The following MED14 variants were observed in gnomAD, a reference collection of about 807,000 sequenced individuals.
MED14 encodes mediator complex subunit 14, also known as mediator of RNA polymerase II transcription subunit 14.
Under a neutral mutation model 109.0 loss-of-function variants are expected in MED14, and 8 were observed. The observed-to-expected ratio is 0.07, with a 90% CI of 0.04 to 0.13. The LOEUF (loss-of-function observed/expected upper bound fraction) is 0.13. Among genes scored for constraint, MED14 ranks in the 10% least tolerant of loss-of-function variants. The probability of loss-of-function intolerance (pLI) is 1.00; values close to 1 mark genes in which losing one functional copy is unlikely to be tolerated. For missense variants in MED14, 711 were observed against 1,142.4 expected, an observed-to-expected ratio of 0.62 and a Z score of 5.44; for synonymous variants, 399 against 408.7, an observed-to-expected ratio of 0.98 and a Z score of 0.29.
chrX:40,698,363 C>T (rs1015476196), intron 12 of MED14, among the ~76,000 whole-genome samples: 30 of 112,146 alleles, frequency 2.7e-4, no homozygotes, highest in Admixed American at 2.5e-3. Context: ...TTTTCAAAGT[C>T]AATCTGGAAT....
At chrX:40,703,611 T>A (rs1248898815) in intron 10 of MED14, 42 bp from the exon 11 acceptor site, 1 of 1,006,991 alleles carries the variant, frequency 9.9e-7, no homozygotes, top group Non-Finnish European at 1.3e-6. Flanking sequence ...TATCTGAATA[T>A]TTTCCAGAAA....
rs1182198256 is a variant in MED14, at chrX:40,682,861, A to G, written c.2193T>C (p.Leu731=). 8.3e-7 allele frequency: 1 copy of G among 1,209,975 alleles called. No individual in the cohort carries two copies. Among genetic ancestry groups the G allele is most frequent in the Non-Finnish European group, 1.1e-6 (1 of 895,089 alleles). Residue 731 remains leucine (L), a synonymous_variant, in exon 17 of 31, where the codon CTT becomes CTC. Coordinates refer to ENST00000324817, the MANE Select transcript of MED14 (RefSeq NM_004229.4). Reference sequence around the variant, plus strand: ...CTTGCTCCCTAGTAGAAGTGCCATTAAGTGGACAATTTGCAAACACTAACT... The same window carrying G: ...CTTGCTCCCTAGTAGAAGTGCCATTGAGTGGACAATTTGCAAACACTAACT... ...VAELVFANCP[L]NGTSTREQGP...
Position 40,654,438 on chromosome X carries a change from T to C in MED14, c.4217A>G (p.Asn1406Ser). 1 of 1,210,695 alleles carries C rather than the reference T, an allele frequency of 8.3e-7. No individual in the cohort carries two copies. Among genetic ancestry groups the C allele is most frequent in the Non-Finnish European group, 1.1e-6 (1 of 894,968 alleles). ...TQQADIPRQQ[N>S]SSVAAPMMVS... ...CATCATGGGAGCAGCAACAGAAGAG[T>C]TCTGCTGTCTGGGAATGTCTGCCTG... The change falls in exon 30 of 31, where the codon AAC becomes AGC. Residue 1406 changes from asparagine to serine, a missense_variant. Physicochemically the swap from Asn to Ser is conservative, Grantham distance 46. Coordinates refer to ENST00000324817, the MANE Select transcript of MED14 (RefSeq NM_004229.4).
intron 15 of MED14, among the ~76,000 whole-genome samples, chrX:40,690,331 C>G (rs1930452424): frequency 9.0e-6 from 1 of 111,550 alleles, no homozygotes; most frequent in South Asian, 3.8e-4. Context: ...AATTTCACAC[C>G]TTATCCTCTG....
intron 16 of MED14, among the ~76,000 whole-genome samples, chrX:40,684,018 T>C (rs1332409996): frequency 8.9e-6 from 1 of 112,185 alleles, no homozygotes; most frequent in African/African-American, 3.2e-5. Context: ...TAATTATATA[T>C]AACCTTTAAC....
At position 40,653,240 on chromosome X, in the gene MED14, A is replaced by G. The variant is rs1022646928; in HGVS notation, c.4291+1124T>C. Among the ~76,000 whole-genome samples the G allele has an allele frequency of 2.7e-5, 3 of 111,748 alleles. No homozygotes were observed. In the Admixed American group the frequency reaches 2.9e-4, roughly 11 times the overall value. ...GGACTGTTACTTTGAGAATTCTGAT[A>G]GCTTTAAACTTTGATTCTTGAGGAC... On this transcript the variant is annotated intron_variant, in intron 30 of 30. Coordinates refer to ENST00000324817, the MANE Select transcript of MED14 (RefSeq NM_004229.4).
intron 27 of MED14, 24 bp downstream of exon 27, chrX:40,659,404 A>C (rs374347911): frequency 1.9e-5 from 23 of 1,188,903 alleles, no homozygotes; most frequent in Non-Finnish European, 2.6e-5. Flanking sequence ...ATTATATTCA[A>C]ATTATGCACT....
chrX:40,664,008 C>A (rs1248203599), intron 25 of MED14, among the ~76,000 whole-genome samples: 1 of 110,523 alleles, frequency 9.0e-6, no homozygotes, highest in Non-Finnish European at 1.9e-5. Context: ...TTCAGCCCCA[C>A]CCCCAAAGTT....
At chrX:40,679,748 C>A (rs947715582) in intron 21 of MED14, 116 bp downstream of exon 21, 1 of 667,816 alleles carries the variant, frequency 1.5e-6, no homozygotes. Context: ...GTTAACACTG[C>A]TACTTACTAA....
chrX:40,716,978 G>C (rs1931545614), intron 3 of MED14, among the ~76,000 whole-genome samples: 1 of 111,818 alleles, frequency 8.9e-6, no homozygotes. Context: ...TGGAAGTAGA[G>C]AGTAGAATGC....
chrX:40,663,394 T>C (rs1298804789), intron 25 of MED14, among the ~76,000 whole-genome samples: 2 of 95,328 alleles, frequency 2.1e-5, no homozygotes, highest in Non-Finnish European at 4.2e-5. Context: ...CTTTAAGGGG[T>C]GGACTCTATT....
intron 21 of MED14, among the ~76,000 whole-genome samples, chrX:40,679,601 ATTGTT>A (rs1406142967): frequency 8.9e-6 from 1 of 112,255 alleles, no homozygotes; most frequent in African/African-American, 3.2e-5. Context: ...CCAAACACAA[ATTGTT>A]TTTAGTATCT....
intron 15 of MED14, among the ~76,000 whole-genome samples, chrX:40,689,691 C>CA (rs1238363515): frequency 2.5e-4 from 23 of 92,998 alleles, no homozygotes; most frequent in East Asian, 3.3e-4. Context: ...AACTCCATTT[C>CA]AAAAAAAAAA....
intron 12 of MED14, 109 bp downstream of exon 12, chrX:40,701,056 G>T: frequency 2.0e-6 from 1 of 493,670 alleles, no homozygotes; most frequent in Non-Finnish European, 3.3e-6. Flanking sequence ...TAAGTTTCAT[G>T]TCATAAACCT....
In MED14 at chrX:40,651,208, A is replaced by G. The variant is rs933467349; in HGVS notation, c.*598T>C. ...AATAACTGGCTCCATCCACCAGGTT[A>G]AAGATGAAGGGAGGGCCTAAGATGT... On this transcript the variant is annotated 3_prime_UTR_variant, in exon 31 of 31. Transcript: ENST00000324817. The G allele has an allele frequency of 2.7e-6, 2 of 749,058 alleles. No individual in the cohort carries two copies. The highest frequency in any genetic ancestry group is 1.8e-4 in the Admixed American group (2 of 11,407). The allele number at this position is 749,058 out of a possible 1,213,427, so 61.7% of individuals were successfully genotyped here.
chrX:40,664,360 G>C lies in MED14; in HGVS notation c.3395C>G (p.Pro1132Arg). Residue 1132 changes from proline to arginine, a missense_variant, in exon 25 of 31, where the codon CCC becomes CGC. Physicochemically the swap from Pro to Arg is moderately radical, Grantham distance 103. Coordinates refer to ENST00000324817, the MANE Select transcript of MED14 (RefSeq NM_004229.4). ...ATCTGGAACCGGAGAATGTAGTGAG[G>C]GGTTGGCTGGTGACATTCCAGGCAT... Reference protein sequence around the residue: ...ARMPGMSPANPSLHSPVPDAS... With the variant: ...ARMPGMSPANRSLHSPVPDAS... The C allele has an allele frequency of 8.3e-7, 1 of 1,206,647 alleles. No individual in the cohort carries two copies. The highest frequency in any genetic ancestry group is 1.1e-6 in the Non-Finnish European group (1 of 893,517).
rs183232325 is a variant in MED14 at position 40,711,538 on chromosome X, T to C, written c.890-237A>G. ...CCAATATAAAACCATAAAGTCTGGG[T>C]TGTGTCTTAATTCATCATAGTTTAG... On this transcript the variant is annotated intron_variant, in intron 7 of 30. Transcript: ENST00000324817. 6.8e-3 allele frequency among the ~76,000 whole-genome samples: 765 copies of C among 111,692 alleles called. 21 individuals carry two copies. Among genetic ancestry groups the C allele is most frequent in the Admixed American group, 0.064 (673 of 10,475 alleles).
chrX:40,686,252 C>T (rs751316869), intron 16 of MED14, among the ~76,000 whole-genome samples: 114 of 111,567 alleles, frequency 1.0e-3, no homozygotes, highest in African/African-American at 1.5e-3. Context: ...AGGACTCTTA[C>T]GCATTCTCTT....
chrX:40,727,705 G>T (rs1407653331), intron 2 of MED14, among the ~76,000 whole-genome samples: 1 of 111,408 alleles, frequency 9.0e-6, no homozygotes. Flanking sequence ...CAGGACCGAT[G>T]ACCAGACCCA....
Sources: gnomAD v4.1 joint callset for allele counts (sites outside exome capture counted in the v4.1 genomes callset) on GRCh38, gnomAD v4.1.1 for gene constraint, MANE v1.5 for transcripts, NCBI Gene and HGNC (gene_info 2026-07-23, HGNC 2026-07-21) for gene names.